The following NPSR1 variants were observed in gnomAD, a reference collection of about 807,000 sequenced individuals.
NPSR1 encodes the protein neuropeptide S receptor.
In NPSR1, 48 loss-of-function variants were observed where a neutral mutation model predicts 46.9. The observed-to-expected ratio is 1.02, with a 90% CI of 0.81 to 1.30. The LOEUF (loss-of-function observed/expected upper bound fraction) is 1.30. Ranked by LOEUF, NPSR1 falls within the 50% of genes most tolerant of loss-of-function variation. The pLI, the probability that NPSR1 is intolerant of heterozygous loss-of-function variation, is 0.00. For synonymous variants in NPSR1, 176 were observed against 168.1 expected, an observed-to-expected ratio of 1.05 and a Z score of -0.36; for missense variants, 450 against 449.5, an observed-to-expected ratio of 1.00 and a Z score of -0.01.
chr7:34,733,937 A>C (rs552626593), intron 2 of NPSR1, among the ~76,000 whole-genome samples: 1 of 152,306 alleles, frequency 6.6e-6, no homozygotes, highest in South Asian at 2.1e-4. Context: ...GATATTGAGG[A>C]GATGGACAAT....
chr7:34,740,753 G>T (rs1017357436), intron 2 of NPSR1, among the ~76,000 whole-genome samples: 2 of 152,176 alleles, frequency 1.3e-5, no homozygotes, highest in Admixed American at 6.5e-5. Flanking sequence ...AGGATTTGGG[G>T]TGTCTCCTAG....
intron 3 of NPSR1, among the ~76,000 whole-genome samples, chr7:34,805,609 A>T (rs1409898320): frequency 1.3e-5 from 2 of 151,886 alleles, no homozygotes; most frequent in Non-Finnish European, 2.9e-5. Context: ...AACATAGGAG[A>T]AGATTTAAGG....
chr7:34,812,061 T>G (rs778062937), intron 4 of NPSR1, among the ~76,000 whole-genome samples, 198 bp downstream of exon 4: 4 of 152,250 alleles, frequency 2.6e-5, no homozygotes, highest in Admixed American at 6.5e-5. Flanking sequence ...AAAAGAAAAC[T>G]TAGATGCCTG....
chr7:34,696,102 C>T (rs28582655), intron 2 of NPSR1, among the ~76,000 whole-genome samples: 296 of 145,080 alleles, frequency 2.0e-3, no homozygotes, highest in Admixed American at 4.2e-3. Flanking sequence ...AAAAAAACTG[C>T]GGTATATATA....
intron 6 of NPSR1, among the ~76,000 whole-genome samples, chr7:34,836,096 A>G (rs2128760617): frequency 6.6e-6 from 1 of 152,304 alleles, no homozygotes; most frequent in Non-Finnish European, 1.5e-5. Flanking sequence ...AGACCCAGTC[A>G]TTCAGCTTGG....
At chr7:34,675,158 T>C (rs1401466706) in intron 1 of NPSR1, among the ~76,000 whole-genome samples, 2 of 152,196 alleles carry the variant, frequency 1.3e-5, no homozygotes, top group Non-Finnish European at 2.9e-5. Context: ...GGTCAGGTTG[T>C]TATGGTTAAG....
chr7:34,774,432 T>C (rs1358070980), intron 2 of NPSR1, among the ~76,000 whole-genome samples: 1 of 152,190 alleles, frequency 6.6e-6, no homozygotes, highest in South Asian at 2.1e-4. Context: ...CATTTTCCAA[T>C]AGAAGGCTGT....
intron 2 of NPSR1, among the ~76,000 whole-genome samples, chr7:34,717,826 T>G (rs1224116495): frequency 6.6e-6 from 1 of 152,176 alleles, no homozygotes; most frequent in East Asian, 1.9e-4. Context: ...AAAGGCATTT[T>G]CATGAGGACA....
chr7:34,804,199 T>C (rs325456), intron 3 of NPSR1, among the ~76,000 whole-genome samples: 108,267 of 151,950 alleles, frequency 0.71, 40,006 homozygotes, highest in African/African-American at 0.93. Flanking sequence ...AAACCAATGA[T>C]ATTAAAAGAA....
At chr7:34,833,174 A>AT (rs1052145197) in intron 5 of NPSR1, among the ~76,000 whole-genome samples, 1 of 152,198 alleles carries the variant, frequency 6.6e-6, no homozygotes, top group African/African-American at 2.4e-5. Context: ...TGAAGCTCTG[A>AT]TTTTTTAAAA....
intron 1 of NPSR1, among the ~76,000 whole-genome samples, chr7:34,663,041 TTCTC>T (rs376420280): frequency 2.3e-4 from 25 of 108,296 alleles, no homozygotes; most frequent in East Asian, 1.4e-3. Flanking sequence ...TGTAGTGCAT[TTCTC>T]TCTCTCTCTC....
chr7:34,734,026 T>C (rs542370639), intron 2 of NPSR1, among the ~76,000 whole-genome samples: 6 of 152,080 alleles, frequency 3.9e-5, no homozygotes, highest in Non-Finnish European at 8.8e-5. Flanking sequence ...CAGATTGGTG[T>C]TTTACAAATA....
chr7:34,823,910 T>A (rs1324121998), intron 4 of NPSR1, among the ~76,000 whole-genome samples: 1 of 152,182 alleles, frequency 6.6e-6, no homozygotes, highest in Non-Finnish European at 1.5e-5. Context: ...TGTCTCAGTT[T>A]CAACCAAAGA....
chr7:34,799,492 A>G, intron 3 of NPSR1, among the ~76,000 whole-genome samples: 1 of 151,596 alleles, frequency 6.6e-6, no homozygotes, highest in African/African-American at 2.4e-5. Flanking sequence ...GAGAAATAAA[A>G]TATTTTACAG....
rs556551784 is a variant in NPSR1 at position 34,716,079 on chromosome 7, T to C, written c.280+31395T>C. On this transcript the variant is annotated intron_variant, in intron 2 of 8. Transcript: ENST00000360581. ...GAGTCCACCAGGATGTACAACAAAT[T>C]ATGCTTGAGATGAGCTGTCCAGGAC... 2.6e-4 allele frequency among the ~76,000 whole-genome samples: 39 copies of C among 152,152 alleles called. No individual in the cohort carries two copies. In the East Asian group the frequency reaches 7.0e-3, roughly 27 times the overall value.
In NPSR1 at chr7:34,791,029, GTTATATA is replaced by G. The variant is rs1231463843; in HGVS notation, c.384+12471_384+12477del. Among the ~76,000 whole-genome samples the G allele has an allele frequency of 1.8e-3, 203 of 114,430 alleles. 1 individual carries two copies. The highest frequency in any genetic ancestry group is 7.4e-3 in the African/African-American group (198 of 26,746). 75.1% of individuals were successfully genotyped at this position (114,430 alleles called of 152,430 possible). A position where few individuals can be genotyped will look rare whatever the true frequency, so the allele number is the denominator to read the frequency against. ...ATATGTTATATTATATATGTTATAT[GTTATATA>G]TTATATTATATATGTTATATGTTAT... On this transcript the variant is annotated intron_variant, in intron 3 of 8. Transcript: ENST00000360581.
chr7:34,870,918 A>G lies in NPSR1; in HGVS notation c.1026-7158A>G, dbSNP rs1427752936. Reference sequence around the variant, plus strand: ...TGGATGGATGAATGGATGGATGGATAGATGGATGGATGGATAGATGGATGG... The same window carrying G: ...TGGATGGATGAATGGATGGATGGATGGATGGATGGATGGATAGATGGATGG... On this transcript the variant is annotated intron_variant, in intron 8 of 8. Transcript: ENST00000359791. Among the ~76,000 whole-genome samples the G allele has an allele frequency of 2.1e-5, 3 of 146,224 alleles. No individual in the cohort carries two copies. In the South Asian group the frequency reaches 6.3e-4, roughly 31 times the overall value.
chr7:34,819,029 A>C (rs1267038798), intron 4 of NPSR1, among the ~76,000 whole-genome samples: 1 of 152,218 alleles, frequency 6.6e-6, no homozygotes, highest in Non-Finnish European at 1.5e-5. Flanking sequence ...CATGACTAAA[A>C]CACCAAAAGC....
chr7:34,854,282 C>T (rs1397811400), downstream of NPSR1, among the ~76,000 whole-genome samples: 1 of 152,114 alleles, frequency 6.6e-6, no homozygotes, highest in African/African-American at 2.4e-5. Context: ...ACAGAAAACA[C>T]ATAGGAAGAT....
Sources: allele counts gnomAD v4.1 joint callset (sites outside exome capture counted in the v4.1 genomes callset), GRCh38; gene constraint gnomAD v4.1.1; transcripts MANE v1.5; gene names NCBI Gene and HGNC (gene_info 2026-07-23, HGNC 2026-07-21).